Variants in NUDT21 observed in about 807,000 individuals in gnomAD.
NUDT21 encodes nudix hydrolase 21, also known as cleavage and polyadenylation specificity factor subunit 5.
A neutral mutation model predicts 29.8 loss-of-function variants in NUDT21; 5 were observed. The observed-to-expected ratio is 0.17, with a 90% confidence interval of 0.09 to 0.35. The LOEUF is 0.35. NUDT21 is among the 10% of genes least tolerant of loss of function. The probability of loss-of-function intolerance (pLI) is 1.00; values close to 1 mark genes in which losing one functional copy is unlikely to be tolerated. For missense variants in NUDT21, 76 were observed against 276.0 expected (o/e 0.28, Z 5.13); for synonymous variants, 113 against 98.5 (o/e 1.15, Z -0.87).
intron 6 of NUDT21, among the ~76,000 whole-genome samples, chr16:56,432,957 A>C (rs188747842): frequency 6.6e-6 from 1 of 152,258 alleles, no homozygotes; most frequent in East Asian, 1.9e-4. Flanking sequence ...ACTTATAATA[A>C]AAAAAATTAA....
chr16:56,451,135 T>C lies in NUDT21; in HGVS notation c.68A>G (p.Lys23Arg). The C allele has an allele frequency of 1.2e-6, 2 of 1,613,724 alleles. No homozygotes were observed. The highest frequency in any genetic ancestry group is 8.5e-7 in the Non-Finnish European group (1 of 1,179,790). Residue 23 changes from lysine to arginine, a missense_variant, in exon 1 of 7, where the codon AAG becomes AGG. This residue lies in a region of NUDT21 where 20 missense variants were observed against 26.3 expected (regional missense o/e 0.76). Transcript: ENST00000300291. ...GAGGGGCTTCGTCTGCTGGATGTAC[T>C]TGTTGCCGAACTGAGTGACCCCCCG... ...WPRGVTQFGN[K>R]YIQQTKPLTL...
chr16:56,433,034 T>C (rs1474007053), intron 6 of NUDT21, among the ~76,000 whole-genome samples: 1 of 152,224 alleles, frequency 6.6e-6, no homozygotes, highest in Non-Finnish European at 1.5e-5. Flanking sequence ...TACATGTCCT[T>C]ATACTCTGAC....
intron 3 of NUDT21, among the ~76,000 whole-genome samples, chr16:56,443,517 A>G: frequency 6.6e-6 from 1 of 152,028 alleles, no homozygotes; most frequent in Non-Finnish European, 1.5e-5. Context: ...TTTGGTTTGG[A>G]TATGGTTTGT....
intron 4 of NUDT21, among the ~76,000 whole-genome samples, chr16:56,438,229 G>A (rs1339072535): frequency 6.6e-6 from 1 of 152,144 alleles, no homozygotes; most frequent in Non-Finnish European, 1.5e-5. Context: ...ACAGACTGAG[G>A]CTTCCTACTT....
intron 4 of NUDT21, chr16:56,435,271 G>C (rs1962084188): frequency 6.5e-6 from 1 of 153,222 alleles, no homozygotes; most frequent in African/African-American, 2.4e-5. Flanking sequence ...TTACAGGCAT[G>C]CGCCACCATG....
intron 1 of NUDT21, chr16:56,449,313 C>T (rs576854084): frequency 1.3e-5 from 2 of 152,300 alleles, no homozygotes; most frequent in Admixed American, 1.3e-4. Flanking sequence ...ACATATTGTT[C>T]TCATCATACT....
intron 4 of NUDT21, chr16:56,439,015 G>A (rs1343734519): frequency 6.6e-6 from 1 of 152,128 alleles, no homozygotes; most frequent in Non-Finnish European, 1.5e-5. Context: ...ATTTACAATT[G>A]AAATGAATAG....
chr16:56,446,158 A>G (rs975233411), intron 3 of NUDT21, among the ~76,000 whole-genome samples: 17 of 152,252 alleles, frequency 1.1e-4, no homozygotes, highest in African/African-American at 3.9e-4. Flanking sequence ...TAATTTGGGC[A>G]AAGTCTAAAA....
At chr16:56,440,530 C>T (rs181727648) in intron 3 of NUDT21, among the ~76,000 whole-genome samples, 3 of 152,214 alleles carry the variant, frequency 2.0e-5, no homozygotes, top group Non-Finnish European at 4.4e-5. Context: ...GTTTGATGAT[C>T]TTGATAGCTT....
rs1191471086 is a variant in NUDT21, at chr16:56,431,483, C to T, written c.*1229G>A. The T allele has an allele frequency of 8.5e-5, 13 of 152,178 alleles. No homozygotes were observed. Among genetic ancestry groups the T allele is most frequent in the Non-Finnish European group, 1.9e-4 (13 of 68,030 alleles). 9.4% of individuals were successfully genotyped at this position (152,178 alleles called of 1,614,324 possible). ...AGTATCATATACCTTTGACATCACC[C>T]AATATTCAGGAAAATAGCCCTGTGA... On this transcript the variant is annotated 3_prime_UTR_variant, in exon 7 of 7. Coordinates refer to ENST00000300291, the MANE Select transcript of NUDT21 (RefSeq NM_007006.3).
In NUDT21 at chr16:56,432,459, A is replaced by C. The variant is rs576706249; in HGVS notation, c.*253T>G. On this transcript the variant is annotated 3_prime_UTR_variant, in exon 7 of 7. Transcript: ENST00000300291. ...AGTTTAATGAGAAATTAAAATAAAA[A>C]AAGTCCATTTTCTTTAATGTTGTAC... 2.2e-5 allele frequency: 8 copies of C among 364,336 alleles called. No individual in the cohort carries two copies. The highest frequency in any genetic ancestry group is 1.4e-3 in the Middle Eastern group (2 of 1,452). 22.6% of individuals were successfully genotyped at this position (364,336 alleles called of 1,614,324 possible).
At chr16:56,437,167 G>T (rs1962113148) in intron 4 of NUDT21, among the ~76,000 whole-genome samples, 1 of 152,100 alleles carries the variant, frequency 6.6e-6, no homozygotes, top group African/African-American at 2.4e-5. Flanking sequence ...CTATCTTCTT[G>T]TCCCTCTGCC....
chr16:56,435,009 C>T (rs1272685250), intron 4 of NUDT21, 180 bp from the exon 5 acceptor site: 2 of 413,956 alleles, frequency 4.8e-6, no homozygotes, highest in African/African-American at 4.1e-5. Context: ...AAATAACAAG[C>T]AGTAAACCAG....
intron 3 of NUDT21, among the ~76,000 whole-genome samples, chr16:56,442,222 G>A (rs931788815): frequency 1.3e-5 from 2 of 152,202 alleles, no homozygotes; most frequent in Non-Finnish European, 2.9e-5. Context: ...ATCTGTACTT[G>A]ATAGTCTCAA....
At chr16:56,445,546 G>C (rs1361919982) in intron 3 of NUDT21, among the ~76,000 whole-genome samples, 2 of 152,132 alleles carry the variant, frequency 1.3e-5, no homozygotes, top group Non-Finnish European at 2.9e-5. Context: ...TCTCAGATAA[G>C]GAATACACAA....
At chr16:56,444,842 C>G (rs1027766077) in intron 3 of NUDT21, among the ~76,000 whole-genome samples, 1 of 152,184 alleles carries the variant, frequency 6.6e-6, no homozygotes, top group African/African-American at 2.4e-5. Context: ...ACATCCCAAT[C>G]TGAAACTCCA....
rs1382335830 is a variant in NUDT21, at chr16:56,430,202, T to C, written c.*2510A>G. On this transcript the variant is annotated 3_prime_UTR_variant, in exon 7 of 7. Transcript: ENST00000300291. ...AATTATTACGCCATTTTAAGTATTA[T>C]CTACTTTTTTAAAAAATCACAGTGG... 1.3e-5 allele frequency: 2 copies of C among 152,222 alleles called. No homozygotes were observed. The highest frequency in any genetic ancestry group is 4.8e-5 in the African/African-American group (2 of 41,446). The allele number at this position is 152,222 out of a possible 1,614,324, so 9.4% of individuals were successfully genotyped here. A position where few individuals can be genotyped will look rare whatever the true frequency, so the allele number is the denominator to read the frequency against.
intron 4 of NUDT21, among the ~76,000 whole-genome samples, chr16:56,435,968 G>A (rs1389304414): frequency 1.4e-5 from 2 of 145,962 alleles, no homozygotes; most frequent in Non-Finnish European, 3.0e-5. Context: ...GTGAAGTTTT[G>A]CCAGATGGGC....
At chr16:56,443,033 T>C (rs1216737336) in intron 3 of NUDT21, among the ~76,000 whole-genome samples, 5 of 152,188 alleles carry the variant, frequency 3.3e-5, no homozygotes, top group Non-Finnish European at 5.9e-5. Context: ...TCTGTTGAGG[T>C]CCTTTTGCTT....
Sources: gnomAD v4.1 joint callset for allele counts (sites outside exome capture counted in the v4.1 genomes callset) on GRCh38, gnomAD v4.1.1 for gene constraint, gnomAD v4.1.1 regional missense constraint, MANE v1.5 for transcripts, NCBI Gene and HGNC (gene_info 2026-07-23, HGNC 2026-07-21) for gene names.